Variants in DEFB123 observed in about 807,000 individuals in gnomAD.
DEFB123 encodes the protein beta-defensin 123.
For missense variants in DEFB123, 71 were observed against 75.0 expected, an observed-to-expected ratio of 0.95 and a Z score of 0.20; for synonymous variants, 22 against 28.3, an observed-to-expected ratio of 0.78 and a Z score of 0.71.
At chr20:31,445,233 G>A (rs1200523417) in intron 1 of DEFB123, among the ~76,000 whole-genome samples, 1 of 152,168 alleles carries the variant, frequency 6.6e-6, no homozygotes, top group African/African-American at 2.4e-5. Context: ...GTGGTGATAT[G>A]TTCTTTCATT....
chr20:31,449,897 A>C, intron 1 of DEFB123, 132 bp from the exon 2 acceptor site: 1 of 1,161,278 alleles, frequency 8.6e-7, no homozygotes, highest in Non-Finnish European at 1.2e-6. Context: ...ACAGTGATAG[A>C]TGAAAAGAGT....
At chr20:31,448,231 C>T (rs886706269) in intron 1 of DEFB123, among the ~76,000 whole-genome samples, 1 of 152,044 alleles carries the variant, frequency 6.6e-6, no homozygotes, top group East Asian at 1.9e-4. Context: ...AGTATTTTTA[C>T]CTTTTCTCCT....
intron 1 of DEFB123, 37 bp from the exon 2 acceptor site, chr20:31,449,992 G>A (rs1979696805): frequency 6.3e-7 from 1 of 1,587,344 alleles, no homozygotes; most frequent in African/African-American, 1.4e-5. Context: ...TACTTGTTAG[G>A]ACTGATACTG....
rs1568751630 is a variant in DEFB123, at chr20:31,450,086, A to T, written c.116A>T (p.Lys39Met). 6.2e-7 allele frequency: 1 copy of T among 1,612,942 alleles called. No individual in the cohort carries two copies. The change falls in exon 2 of 2, where the codon AAG (lysine) becomes ATG (methionine). Residue 39 changes from lysine to methionine, a missense_variant. By Grantham distance (95) the Lys-to-Met change is moderately conservative. Transcript: ENST00000376309. ...AAATGCCGTTACAGATGCTCCAAGA[A>T]GGAAAGAGTCTATGTTTACTGCATA... ...YGKCRYRCSK[K>M]ERVYVYCINN... is the part of the protein sequence containing the mutation.
chr20:31,447,074 C>A (rs971735750), intron 1 of DEFB123, among the ~76,000 whole-genome samples: 7 of 151,822 alleles, frequency 4.6e-5, no homozygotes, highest in Non-Finnish European at 8.8e-5. Context: ...ACCAGCCTGA[C>A]CAACATGGAG....
chr20:31,444,818 C>T (rs941426970), intron 1 of DEFB123, among the ~76,000 whole-genome samples: 17 of 152,236 alleles, frequency 1.1e-4, no homozygotes, highest in African/African-American at 3.4e-4. Context: ...ACAGTCACTC[C>T]GAAAACGTCT....
chr20:31,442,872 T>G (rs1314857254), intron 1 of DEFB123, among the ~76,000 whole-genome samples: 1 of 152,084 alleles, frequency 6.6e-6, no homozygotes, highest in Non-Finnish European at 1.5e-5. Context: ...CCTCCCAAAG[T>G]GCTGGGATTA....
Position 31,440,749 on chromosome 20 carries a change from G to C in DEFB123, c.51G>C (p.Leu17=). ...TLTVLLLLSQ[L]TPGGTQRCWN... is the part of the protein sequence containing the mutation. ...CTGTGCTGCTGCTCTTATCCCAGCT[G>C]ACTCCAGGTAACCTGAACCTCCTTA... is the stretch of plus-strand genomic sequence containing the variant. Residue 17 remains leucine (L), a synonymous_variant, in exon 1 of 2, where the codon CTG becomes CTC. Transcript: ENST00000376309. The C allele has an allele frequency of 1.2e-6, 2 of 1,613,492 alleles. No homozygotes were observed. The highest frequency in any genetic ancestry group is 1.7e-6 in the Non-Finnish European group (2 of 1,180,024).
At chr20:31,447,532 TG>T (rs1163150829) in intron 1 of DEFB123, among the ~76,000 whole-genome samples, 2 of 152,060 alleles carry the variant, frequency 1.3e-5, no homozygotes, top group Non-Finnish European at 2.9e-5. Flanking sequence ...TAAAGAATTC[TG>T]GGCTTTTTTC....
At chr20:31,443,888 A>T (rs991584927) in intron 1 of DEFB123, among the ~76,000 whole-genome samples, 2 of 152,208 alleles carry the variant, frequency 1.3e-5, no homozygotes, top group Non-Finnish European at 2.9e-5. Context: ...CCTCAGCCTT[A>T]GCCTCCTATA....
At chr20:31,440,797 C>A in intron 1 of DEFB123, 41 bp downstream of exon 1, 1 of 1,609,130 alleles carries the variant, frequency 6.2e-7, no homozygotes. Context: ...GGCTTAGAGA[C>A]TAAGGCCTGG....
chr20:31,443,314 A>G (rs1442774772), intron 1 of DEFB123, among the ~76,000 whole-genome samples: 5 of 152,042 alleles, frequency 3.3e-5, no homozygotes, highest in Non-Finnish European at 5.9e-5. Flanking sequence ...TGGTTTTCCT[A>G]TCTCAGCCAG....
In DEFB123 at chr20:31,440,878, G is replaced by A. The variant is rs993430643; in HGVS notation, c.58+122G>A. The A allele has an allele frequency of 1.2e-5, 14 of 1,168,782 alleles. No individual in the cohort carries two copies. In the East Asian group the frequency reaches 3.1e-4, roughly 26 times the overall value. 72.4% of individuals were successfully genotyped at this position (1,168,782 alleles called of 1,614,324 possible). On this transcript the variant is annotated intron_variant, in intron 1 of 1. Transcript: ENST00000376309. ...TAGCACCACGTATAGGAGGCAGGAG[G>A]CGCCTCACCAGCAGCAGGTGCCAGC...
chr20:31,440,855 G>A (rs1481774451), intron 1 of DEFB123, 99 bp downstream of exon 1: 2 of 1,458,934 alleles, frequency 1.4e-6, no homozygotes, highest in African/African-American at 1.4e-5. Context: ...TTGTCATCTA[G>A]CACCACGTAT....
At chr20:31,442,147 G>A (rs1413387669) in intron 1 of DEFB123, among the ~76,000 whole-genome samples, 1 of 152,154 alleles carries the variant, frequency 6.6e-6, no homozygotes, top group Non-Finnish European at 1.5e-5. Context: ...AACCCAGGGT[G>A]ACAAGGCACA....
intron 1 of DEFB123, among the ~76,000 whole-genome samples, chr20:31,447,972 G>A (rs1979632532): frequency 6.6e-6 from 1 of 151,842 alleles, no homozygotes; most frequent in Non-Finnish European, 1.5e-5. Flanking sequence ...GTTTTTAGTA[G>A]AGACGGGGTT....
At chr20:31,442,596 CT>C (rs397865886) in intron 1 of DEFB123, among the ~76,000 whole-genome samples, 265 of 105,842 alleles carry the variant, frequency 2.5e-3, no homozygotes, top group South Asian at 0.013. Flanking sequence ...AGGTCATTTG[CT>C]TTTTTTTTTT....
intron 1 of DEFB123, among the ~76,000 whole-genome samples, chr20:31,444,361 G>A (rs1298172050): frequency 6.6e-6 from 1 of 151,102 alleles, no homozygotes; most frequent in Admixed American, 6.6e-5. Flanking sequence ...AAATATCTGG[G>A]TATCTATTTT....
rs1332790964 is a variant in DEFB123, at chr20:31,450,093, A to G, written c.123A>G (p.Arg41=). The change falls in exon 2 of 2, where the codon AGA becomes AGG. Residue 41 remains arginine (R), a synonymous_variant. Transcript: ENST00000376309. Reference sequence around the variant, plus strand: ...GTTACAGATGCTCCAAGAAGGAAAGAGTCTATGTTTACTGCATAAATAATA... The same window carrying G: ...GTTACAGATGCTCCAAGAAGGAAAGGGTCTATGTTTACTGCATAAATAATA... ...KCRYRCSKKE[R]VYVYCINNKM... The G allele has an allele frequency of 6.2e-7, 1 of 1,612,910 alleles. No homozygotes were observed. Among genetic ancestry groups the G allele is most frequent in the Non-Finnish European group, 8.5e-7 (1 of 1,179,552 alleles).
Sources: allele counts gnomAD v4.1 joint callset (sites outside exome capture counted in the v4.1 genomes callset), GRCh38; gene constraint gnomAD v4.1.1; transcripts MANE v1.5; gene names NCBI Gene and HGNC (gene_info 2026-07-23, HGNC 2026-07-21).